TP53BP1: variants seen among roughly 807,000 people sequenced by gnomAD.
The protein encoded by TP53BP1 is tumor protein p53 binding protein 1, also known as TP53-binding protein 1.
TP53BP1 carries 61 observed loss-of-function variants against 200.8 expected under a neutral mutation model. The observed-to-expected ratio is 0.30, with a 90% CI of 0.25 to 0.38. TP53BP1 has a LOEUF of 0.38. Ranked by LOEUF, TP53BP1 falls within the 10% of genes least tolerant of loss-of-function variation. TP53BP1 has a pLI of 1.00. For missense variants in TP53BP1, 2,144 were observed against 2,371.9 expected (o/e 0.90, Z 2.00); for synonymous variants, 822 against 844.3 (o/e 0.97, Z 0.46).
Position 43,452,920 on chromosome 15 carries a change from C to T in TP53BP1, c.2716+2972G>A, listed in dbSNP as rs190265090. Reference sequence around the variant, plus strand: ...TAATTTAAAAGTACTCCAGGCCGGGCGCGGTGGCTCACGCCTGTAATCCCA... The same window carrying T: ...TAATTTAAAAGTACTCCAGGCCGGGTGCGGTGGCTCACGCCTGTAATCCCA... On this transcript the variant is annotated intron_variant, in intron 12 of 27. Coordinates refer to ENST00000382044, the MANE Select transcript of TP53BP1 (RefSeq NM_001141980.3). Among the ~76,000 whole-genome samples, 18 of 152,168 alleles carry T rather than the reference C, an allele frequency of 1.2e-4. No individual in the cohort carries two copies. The East Asian group carries it at 3.1e-3, about 26-fold the overall frequency.
intron 17 of TP53BP1, among the ~76,000 whole-genome samples, chr15:43,428,653 A>G (rs1455100170): frequency 2.0e-5 from 3 of 152,210 alleles, no homozygotes; most frequent in Non-Finnish European, 2.9e-5. Context: ...AGTGAAAACC[A>G]CAGTTTATTA....
intron 4 of TP53BP1, among the ~76,000 whole-genome samples, chr15:43,486,758 G>C (rs1415086660): frequency 6.6e-6 from 1 of 152,046 alleles, no homozygotes; most frequent in Non-Finnish European, 1.5e-5. Flanking sequence ...TGAGTAGCTG[G>C]AACCACAGAT....
intron 1 of TP53BP1, among the ~76,000 whole-genome samples, chr15:43,502,739 G>A (rs552312788): frequency 6.3e-4 from 95 of 151,402 alleles, no homozygotes; most frequent in Non-Finnish European, 9.4e-4. Context: ...GATTACACGC[G>A]TGAGCCACCG....
intron 16 of TP53BP1, among the ~76,000 whole-genome samples, chr15:43,433,939 G>A (rs547314268): frequency 7.2e-5 from 11 of 152,284 alleles, no homozygotes; most frequent in Admixed American, 6.5e-5. Flanking sequence ...AGCAGGAAGT[G>A]CTCTTCAGGG....
chr15:43,473,720 AC>A (rs1261943096), intron 10 of TP53BP1, among the ~76,000 whole-genome samples: 1 of 152,208 alleles, frequency 6.6e-6, no homozygotes, highest in African/African-American at 2.4e-5. Context: ...TGAGCTAGAT[AC>A]AGAGTGCCGA....
intron 4 of TP53BP1, among the ~76,000 whole-genome samples, chr15:43,485,590 G>C (rs368344829): frequency 3.0e-5 from 1 of 33,634 alleles, no homozygotes; most frequent in Non-Finnish European, 6.6e-5. Flanking sequence ...AAAAAAAAAA[G>C]AAAGTACTTT....
At position 43,405,056 on chromosome 15, in the gene TP53BP1, C is replaced by A; in HGVS notation, c.*2327G>T. 1.2e-6 allele frequency: 1 copy of A among 864,256 alleles called. No individual in the cohort carries two copies. The highest frequency in any genetic ancestry group is 1.8e-6 in the Non-Finnish European group (1 of 561,058). 53.5% of individuals were successfully genotyped at this position (864,256 alleles called of 1,614,324 possible). The stretch of plus-strand genomic sequence containing the variant: ...AAAATGTCTGCAAGCAGATTTTTTT[C>A]TAAGCTATTGTAGCAGAAGAGTCAA... On this transcript the variant is annotated 3_prime_UTR_variant, in exon 28 of 28. Coordinates refer to ENST00000382044, the MANE Select transcript of TP53BP1 (RefSeq NM_001141980.3).
At position 43,406,478 on chromosome 15, in the gene TP53BP1, G is replaced by A. The variant is rs2044885763; in HGVS notation, c.*905C>T. The A allele has an allele frequency of 2.5e-6, 1 of 402,202 alleles. No homozygotes were observed. The highest frequency in any genetic ancestry group is 1.9e-5 in the South Asian group (1 of 53,160). 24.9% of individuals were successfully genotyped at this position (402,202 alleles called of 1,614,324 possible). A position where few individuals can be genotyped will look rare whatever the true frequency, so the allele number is the denominator to read the frequency against. ...TTTTGTACAGTTTTACTGAAACACAGCCATGCCCATTTGTTTACTCATTGT... is the reference window on the plus strand; with the variant it reads ...TTTTGTACAGTTTTACTGAAACACAACCATGCCCATTTGTTTACTCATTGT... On this transcript the variant is annotated 3_prime_UTR_variant, in exon 28 of 28. Transcript: ENST00000382044.
At chr15:43,503,395 C>T (rs2079219839) in intron 1 of TP53BP1, among the ~76,000 whole-genome samples, 1 of 152,226 alleles carries the variant, frequency 6.6e-6, no homozygotes, top group African/African-American at 2.4e-5. Flanking sequence ...GAGTGGCTCA[C>T]ACCTGTAATC....
At chr15:43,420,967 C>G (rs2045382276) in intron 20 of TP53BP1, 58 bp downstream of exon 20, 1 of 1,564,848 alleles carries the variant, frequency 6.4e-7, no homozygotes, top group Non-Finnish European at 8.7e-7. Flanking sequence ...ACTCCCCTCT[C>G]CTCCATTCCC....
chr15:43,470,327 T>TA (rs913855085), intron 10 of TP53BP1, among the ~76,000 whole-genome samples: 2 of 152,166 alleles, frequency 1.3e-5, no homozygotes, highest in African/African-American at 2.4e-5. Flanking sequence ...CACCCATTCA[T>TA]AAAAAATGTT....
chr15:43,447,894 AGTTT>A (rs573440505), intron 12 of TP53BP1, among the ~76,000 whole-genome samples: 117 of 152,328 alleles, frequency 7.7e-4, no homozygotes, highest in African/African-American at 2.8e-3. Context: ...TAACCTAAGG[AGTTT>A]GTTTATAAGC....
At chr15:43,460,493 G>C (rs924720519) in intron 11 of TP53BP1, among the ~76,000 whole-genome samples, 85 of 152,028 alleles carry the variant, frequency 5.6e-4, no homozygotes, top group African/African-American at 2.0e-3. Context: ...TCCTGGGCTT[G>C]AGCAATCTGC....
At chr15:43,441,455 G>T in intron 15 of TP53BP1, 71 bp downstream of exon 15, 2 of 1,010,920 alleles carry the variant, frequency 2.0e-6, no homozygotes, top group Admixed American at 3.7e-5. Context: ...TTTTTCCTTT[G>T]TTGATAAACC....
intron 23 of TP53BP1, chr15:43,414,244 A>T: frequency 2.5e-6 from 1 of 405,920 alleles, no homozygotes; most frequent in East Asian, 7.2e-5. Flanking sequence ...TGGGAAAGTT[A>T]GCCAACTTTT....
chr15:43,497,184 A>T (rs1336615313), upstream of TP53BP1, among the ~76,000 whole-genome samples: 1 of 152,220 alleles, frequency 6.6e-6, no homozygotes, highest in African/African-American at 2.4e-5. Context: ...GCTTGAGCTC[A>T]GGAGTTCAAG....
At chr15:43,465,302 A>T (rs1008447095) in intron 11 of TP53BP1, among the ~76,000 whole-genome samples, 1 of 152,166 alleles carries the variant, frequency 6.6e-6, no homozygotes, top group Non-Finnish European at 1.5e-5. Flanking sequence ...TTCTGAAATT[A>T]GATCATGGTG....
Sources: gnomAD v4.1 joint callset for allele counts (sites outside exome capture counted in the v4.1 genomes callset) on GRCh38, gnomAD v4.1.1 for gene constraint, MANE v1.5 for transcripts, NCBI Gene and HGNC (gene_info 2026-07-23, HGNC 2026-07-21) for gene names.